Variants in TAFA1 observed in about 807,000 individuals in gnomAD.
TAFA1 encodes chemokine-like protein TAFA-1.
Under a neutral mutation model 18.5 loss-of-function variants are expected in TAFA1, and 4 were observed. The observed-to-expected ratio is 0.22, with a 90% CI of 0.11 to 0.49. The LOEUF is 0.49. Ranked by LOEUF, TAFA1 falls within the 20% of genes least tolerant of loss-of-function variation. The pLI is 0.98. For synonymous variants in TAFA1, 56 were observed against 55.2 expected (o/e 1.01, Z -0.06); for missense variants, 147 against 169.0 (o/e 0.87, Z 0.72).
chr3:68,115,735 T>A (rs1409263497), intron 2 of TAFA1, among the ~76,000 whole-genome samples: 7 of 152,162 alleles, frequency 4.6e-5, no homozygotes, highest in Non-Finnish European at 1.0e-4. Context: ...GCCTACACCT[T>A]ATTGGTTTAT....
intron 2 of TAFA1, among the ~76,000 whole-genome samples, chr3:68,388,198 G>C (rs545550737): frequency 1.3e-5 from 2 of 152,156 alleles, no homozygotes; most frequent in African/African-American, 2.4e-5. Flanking sequence ...TTTTACCAGA[G>C]AGTTTTAGGG....
chr3:68,340,170 A>G (rs1041034414), intron 2 of TAFA1, among the ~76,000 whole-genome samples: 1 of 152,224 alleles, frequency 6.6e-6, no homozygotes, highest in African/African-American at 2.4e-5. Flanking sequence ...TGAGTATTCT[A>G]CTGTAGAAGA....
Position 68,006,733 on chromosome 3 carries a change from T to G in TAFA1, c.107T>G (p.Leu36Arg), listed in dbSNP as rs763669468. Residue 36 changes from leucine to arginine, a missense_variant, in exon 2 of 5, where the codon CTG (leucine) becomes CGG (arginine). By Grantham distance (102) the Leu-to-Arg change is moderately radical. Transcript: ENST00000478136. ...CAGCACACTTTCCAGCAGCATCACC[T>G]GCACAGACCAGGTAAGTCAGGAGCT... ...SLQHTFQQHH[L>R]HRPEGGTCEV... 13 of 1,613,136 alleles carry G rather than the reference T, an allele frequency of 8.1e-6. No homozygotes were observed. Among genetic ancestry groups the G allele is most frequent in the Non-Finnish European group, 1.1e-5 (13 of 1,179,156 alleles).
intron 3 of TAFA1, among the ~76,000 whole-genome samples, chr3:68,506,421 A>G (rs1484099560): frequency 6.6e-6 from 1 of 152,030 alleles, no homozygotes; most frequent in Non-Finnish European, 1.5e-5. Context: ...TGACCCAAGG[A>G]CATAAATCAT....
At chr3:68,037,440 C>T (rs1331148038) in intron 2 of TAFA1, among the ~76,000 whole-genome samples, 1 of 152,192 alleles carries the variant, frequency 6.6e-6, no homozygotes, top group Admixed American at 6.5e-5. Context: ...CACAGTCTTG[C>T]TTCACGTGGA....
At chr3:68,391,799 C>T (rs189198214) in intron 2 of TAFA1, among the ~76,000 whole-genome samples, 1 of 152,104 alleles carries the variant, frequency 6.6e-6, no homozygotes, top group Non-Finnish European at 1.5e-5. Context: ...CCTTTACAGA[C>T]AAGCAAATGC....
chr3:68,427,262 C>T (rs2071074484), intron 3 of TAFA1, among the ~76,000 whole-genome samples: 1 of 151,884 alleles, frequency 6.6e-6, no homozygotes, highest in Non-Finnish European at 1.5e-5. Context: ...TTCATCCTTT[C>T]TTTTTCCAGA....
chr3:68,506,169 T>A (rs1332286081), intron 3 of TAFA1, among the ~76,000 whole-genome samples: 1 of 152,126 alleles, frequency 6.6e-6, no homozygotes, highest in African/African-American at 2.4e-5. Flanking sequence ...GTTAGTTTGC[T>A]GAGAATGATA....
In TAFA1 at chr3:68,183,456, A is replaced by G. The variant is rs374928209; in HGVS notation, c.118+176712A>G. On this transcript the variant is annotated intron_variant, in intron 2 of 4. Coordinates refer to ENST00000478136, the MANE Select transcript of TAFA1 (RefSeq NM_213609.4). The stretch of plus-strand genomic sequence containing the variant: ...GAGGTATAAAAGTGAGGTGCATATT[A>G]ATAGCTTGATGAAGTTCCCATTTTA... Among the ~76,000 whole-genome samples, 10 of 152,246 alleles carry G rather than the reference A, an allele frequency of 6.6e-5. No individual in the cohort carries two copies. In the East Asian group the frequency reaches 1.9e-3, roughly 29 times the overall value.
intron 3 of TAFA1, among the ~76,000 whole-genome samples, chr3:68,538,425 A>G (rs919955908): frequency 2.0e-5 from 3 of 152,160 alleles, no homozygotes; most frequent in African/African-American, 4.8e-5. Flanking sequence ...AGCTTAGCCT[A>G]TGCCCAGGAA....
At chr3:68,235,362 G>A (rs143251742) in intron 2 of TAFA1, among the ~76,000 whole-genome samples, 10 of 152,212 alleles carry the variant, frequency 6.6e-5, no homozygotes, top group Middle Eastern at 3.4e-3. Context: ...TATATTGATA[G>A]CAGCCTTAAC....
chr3:68,080,412 T>C (rs1340680409), intron 2 of TAFA1, among the ~76,000 whole-genome samples: 1 of 152,198 alleles, frequency 6.6e-6, no homozygotes, highest in East Asian at 1.9e-4. Context: ...CTAGTCTCGA[T>C]GGTCTTTACA....
chr3:68,228,613 G>C lies in TAFA1; in HGVS notation c.119-188667G>C, dbSNP rs564457563. On this transcript the variant is annotated intron_variant, in intron 2 of 4. Transcript: ENST00000478136. ...TTGTCCATCTCTCCTACTATACTAT[G>C]AATGTTTCAAGAACTAGGTTTATTA... Among the ~76,000 whole-genome samples the C allele has an allele frequency of 5.3e-5, 8 of 152,284 alleles. No individual in the cohort carries two copies. The East Asian group carries it at 1.5e-3, about 29-fold the overall frequency.
chr3:68,455,962 G>A (rs1267707874), intron 3 of TAFA1, among the ~76,000 whole-genome samples: 7 of 152,258 alleles, frequency 4.6e-5, no homozygotes, highest in Admixed American at 3.3e-4. Context: ...TATAAAGGTT[G>A]AATTAAATAC....
chr3:68,263,008 C>T (rs905201223), intron 2 of TAFA1, among the ~76,000 whole-genome samples: 1 of 152,160 alleles, frequency 6.6e-6, no homozygotes, highest in African/African-American at 2.4e-5. Context: ...TCTGGAAGGA[C>T]AGTCACCCCT....
At chr3:68,532,482 C>G (rs1329491252) in intron 3 of TAFA1, among the ~76,000 whole-genome samples, 1 of 152,072 alleles carries the variant, frequency 6.6e-6, no homozygotes, top group African/African-American at 2.4e-5. Flanking sequence ...TTTGCATCCA[C>G]TCTTCACTAA....
intron 3 of TAFA1, among the ~76,000 whole-genome samples, chr3:68,457,018 A>G (rs2106911500): frequency 6.6e-6 from 1 of 152,354 alleles, no homozygotes. Flanking sequence ...GAAGAACCAT[A>G]AGAGATCACT....
chr3:68,217,957 G>C (rs986032810), intron 2 of TAFA1, among the ~76,000 whole-genome samples: 1 of 151,982 alleles, frequency 6.6e-6, no homozygotes, highest in East Asian at 1.9e-4. Context: ...TAAAGGTTTA[G>C]AGGAACCTCT....
chr3:68,158,631 G>A (rs1028055614), intron 2 of TAFA1, among the ~76,000 whole-genome samples: 2 of 152,058 alleles, frequency 1.3e-5, no homozygotes, highest in Non-Finnish European at 2.9e-5. Flanking sequence ...AGAATAGAGG[G>A]CCATGACCTG....
Sources: allele counts gnomAD v4.1 joint callset (sites outside exome capture counted in the v4.1 genomes callset), GRCh38; gene constraint gnomAD v4.1.1; transcripts MANE v1.5; gene names NCBI Gene and HGNC (gene_info 2026-07-23, HGNC 2026-07-21).